Variants in TMEM74 observed in about 807,000 individuals in gnomAD.
The protein encoded by TMEM74 is transmembrane protein 74.
Under a neutral mutation model 18.1 loss-of-function variants are expected in TMEM74, and 13 were observed. That is an observed-to-expected ratio of 0.72 (90% CI 0.47 to 1.14). TMEM74 has a LOEUF of 1.14. Among genes scored for constraint, TMEM74 ranks in the 50% most tolerant of loss-of-function variants. The pLI, the probability that TMEM74 is intolerant of heterozygous loss-of-function variation, is 0.00. For synonymous variants in TMEM74, 159 were observed against 146.6 expected (o/e 1.08, Z -0.61); for missense variants, 372 against 375.9 (o/e 0.99, Z 0.09).
chr8:108,770,613 T>C (rs73311988), intron 1 of TMEM74, among the ~76,000 whole-genome samples: 5,281 of 152,286 alleles, frequency 0.035, 215 homozygotes, highest in African/African-American at 0.097. Context: ...TTCTTCTTTC[T>C]ACTCTATTTT....
intron 1 of TMEM74, among the ~76,000 whole-genome samples, chr8:108,667,952 T>A (rs1159817166): frequency 6.6e-6 from 1 of 152,180 alleles, no homozygotes; most frequent in East Asian, 1.9e-4. Context: ...CACCAGTGAT[T>A]TTCCTGTAGT....
At chr8:108,643,016 G>A (rs532776572) in intron 2 of TMEM74, among the ~76,000 whole-genome samples, 53 of 152,118 alleles carry the variant, frequency 3.5e-4, no homozygotes, top group African/African-American at 7.7e-4. Flanking sequence ...TACCCCTACC[G>A]TCAATATTAA....
chr8:108,718,036 G>A (rs1449006441), intron 1 of TMEM74, among the ~76,000 whole-genome samples: 1 of 60,730 alleles, frequency 1.6e-5, no homozygotes, highest in African/African-American at 2.1e-4. Flanking sequence ...TCGGCTCACT[G>A]CAAGCTCCGC....
intron 2 of TMEM74, among the ~76,000 whole-genome samples, chr8:108,629,860 G>C (rs1487448560): frequency 6.6e-6 from 1 of 151,894 alleles, no homozygotes; most frequent in Non-Finnish European, 1.5e-5. Flanking sequence ...TGAAAAACTG[G>C]TACCAGCCAC....
chr8:108,740,853 C>T (rs1265752546), intron 1 of TMEM74, among the ~76,000 whole-genome samples: 6 of 152,166 alleles, frequency 3.9e-5, no homozygotes, highest in Non-Finnish European at 1.5e-5. Flanking sequence ...TTTGAAGAAA[C>T]TTGCACATGT....
chr8:108,637,006 T>G (rs1812613505), intron 2 of TMEM74, among the ~76,000 whole-genome samples: 1 of 152,104 alleles, frequency 6.6e-6, no homozygotes, highest in South Asian at 2.1e-4. Flanking sequence ...TTGGATACTA[T>G]TAAGCAAGAG....
At chr8:108,608,327 A>C (rs1812300318) in intron 3 of TMEM74, among the ~76,000 whole-genome samples, 1 of 151,572 alleles carries the variant, frequency 6.6e-6, no homozygotes, top group Non-Finnish European at 1.5e-5. Context: ...AAAAAAGAAA[A>C]AAAAAGAACT....
chr8:108,784,976 G>A lies in TMEM74; in HGVS notation c.123C>T (p.Cys41=), dbSNP rs1278802486. The change falls in exon 2 of 2, where the codon TGC becomes TGT. Residue 41 remains cysteine (C), a synonymous_variant. Coordinates refer to ENST00000297459, the MANE Select transcript of TMEM74 (RefSeq NM_153015.3). ...ADTAATRAAL[C]CQKQCASTPR... Reference sequence around the variant, plus strand: ...GGGTGGATGCACACTGTTTCTGACAGCAGAGAGCAGCTCTTGTGGCTGCTG... The same window carrying A: ...GGGTGGATGCACACTGTTTCTGACAACAGAGAGCAGCTCTTGTGGCTGCTG... The A allele has an allele frequency of 2.5e-6, 4 of 1,614,144 alleles. No individual in the cohort carries two copies. Among genetic ancestry groups the A allele is most frequent in the Non-Finnish European group, 3.4e-6 (4 of 1,180,030 alleles).
chr8:108,687,681 C>T (rs1299871965), intron 1 of TMEM74, among the ~76,000 whole-genome samples: 6 of 152,066 alleles, frequency 3.9e-5, no homozygotes, highest in Non-Finnish European at 8.8e-5. Flanking sequence ...ATTAGATTCT[C>T]ATAAAGAGTG....
intron 1 of TMEM74, among the ~76,000 whole-genome samples, chr8:108,785,390 G>A (rs1392482914): frequency 6.6e-6 from 1 of 152,190 alleles, no homozygotes; most frequent in Admixed American, 6.5e-5. Context: ...GGAAGTGGCA[G>A]TGTCTACTGA....
intron 1 of TMEM74, among the ~76,000 whole-genome samples, chr8:108,686,337 T>C (rs527835918): frequency 6.6e-6 from 1 of 152,080 alleles, no homozygotes; most frequent in Non-Finnish European, 1.5e-5. Context: ...TAGCTGGGAC[T>C]ACAGGCACCT....
chr8:108,657,671 C>T (rs986564814), intron 1 of TMEM74, among the ~76,000 whole-genome samples: 1 of 150,406 alleles, frequency 6.6e-6, no homozygotes, highest in African/African-American at 2.4e-5. Flanking sequence ...GGTGAAACCC[C>T]ATCTGTACTA....
At chr8:108,696,011 G>A (rs761863952) in intron 1 of TMEM74, among the ~76,000 whole-genome samples, 9 of 152,150 alleles carry the variant, frequency 5.9e-5, no homozygotes, top group Non-Finnish European at 1.0e-4. Flanking sequence ...CTATGGACAA[G>A]TCAAATTCTG....
downstream of TMEM74, among the ~76,000 whole-genome samples, chr8:108,774,783 G>A (rs1814210222): frequency 8.2e-6 from 1 of 121,850 alleles, no homozygotes; most frequent in East Asian, 2.5e-4. Flanking sequence ...TTTTTCTGTA[G>A]AGACCAGGTC....
intron 2 of TMEM74, among the ~76,000 whole-genome samples, chr8:108,620,434 GA>G (rs1393865989): frequency 1.3e-5 from 2 of 152,230 alleles, no homozygotes; most frequent in Non-Finnish European, 2.9e-5. Context: ...GGTAGGGATG[GA>G]AAGATATTTA....
chr8:108,630,374 A>G (rs758611290), intron 2 of TMEM74, among the ~76,000 whole-genome samples: 11 of 152,106 alleles, frequency 7.2e-5, no homozygotes, highest in Non-Finnish European at 1.3e-4. Context: ...CCACACAATA[A>G]TAGTGGGAGA....
chr8:108,766,860 CA>C (rs1814113182), intron 1 of TMEM74, among the ~76,000 whole-genome samples: 1 of 152,150 alleles, frequency 6.6e-6, no homozygotes, highest in South Asian at 2.1e-4. Flanking sequence ...TCCAAAAGTC[CA>C]AAAGCTGAAG....
intron 2 of TMEM74, among the ~76,000 whole-genome samples, chr8:108,610,768 G>C (rs769666197): frequency 6.6e-6 from 1 of 152,210 alleles, no homozygotes; most frequent in Non-Finnish European, 1.5e-5. Context: ...GGCTAAACAG[G>C]AGGGGGCTTA....
intron 1 of TMEM74, among the ~76,000 whole-genome samples, chr8:108,749,045 A>T (rs1479427542): frequency 6.6e-6 from 1 of 151,846 alleles, no homozygotes; most frequent in Non-Finnish European, 1.5e-5. Context: ...GGTTACTGTA[A>T]CCCTCTAGTA....
Sources: gnomAD v4.1 joint callset for allele counts (sites outside exome capture counted in the v4.1 genomes callset) on GRCh38, gnomAD v4.1.1 for gene constraint, MANE v1.5 for transcripts, NCBI Gene and HGNC (gene_info 2026-07-23, HGNC 2026-07-21) for gene names.